The following MMP26 variants were observed in gnomAD, a reference collection of about 807,000 sequenced individuals.
The protein encoded by MMP26 is matrix metallopeptidase 26.
A neutral mutation model predicts 31.0 loss-of-function variants in MMP26; 33 were observed. The ratio of observed to expected loss-of-function variants is 1.06; its 90% CI spans 0.81 to 1.42. MMP26 has a LOEUF of 1.42. Ranked by LOEUF, MMP26 falls within the 40% of genes most tolerant of loss-of-function variation. The probability of loss-of-function intolerance (pLI) is 0.00; values close to 1 mark genes in which losing one functional copy is unlikely to be tolerated. For synonymous variants in MMP26, 122 were observed against 114.9 expected (o/e 1.06, Z -0.40); for missense variants, 347 against 316.1 (o/e 1.10, Z -0.74).
chr11:4,754,989 T>C (rs1848488757), intron 1 of MMP26, among the ~76,000 whole-genome samples: 1 of 152,038 alleles, frequency 6.6e-6, no homozygotes, highest in Non-Finnish European at 1.5e-5. Flanking sequence ...TATAGATCTA[T>C]AGATTTATAA....
chr11:4,885,558 G>A (rs1315483715), intron 2 of MMP26, among the ~76,000 whole-genome samples: 2 of 152,056 alleles, frequency 1.3e-5, no homozygotes, highest in African/African-American at 4.8e-5. Context: ...CTATATCATA[G>A]GTATGTAGTA....
intron 2 of MMP26, chr11:4,769,546 A>C: frequency 1.2e-6 from 2 of 1,613,596 alleles, no homozygotes; most frequent in Non-Finnish European, 1.7e-6. Flanking sequence ...TGGCCACATA[A>C]CGGTCAAAGG....
intron 2 of MMP26, among the ~76,000 whole-genome samples, chr11:4,864,353 T>C (rs1850206294): frequency 6.6e-6 from 1 of 152,182 alleles, no homozygotes; most frequent in Non-Finnish European, 1.5e-5. Context: ...TGGTCAGGCC[T>C]TAAACTGTTC....
intron 2 of MMP26, among the ~76,000 whole-genome samples, chr11:4,966,688 G>A (rs117123522): frequency 0.02 from 2,974 of 152,156 alleles, 44 homozygotes; most frequent in South Asian, 0.043. Context: ...TTTCTTAGTC[G>A]TCTTTTTTTC....
chr11:4,729,294 G>A (rs1848142175), intron 1 of MMP26, among the ~76,000 whole-genome samples: 1 of 152,198 alleles, frequency 6.6e-6, no homozygotes, highest in South Asian at 2.1e-4. Context: ...GGAGAATCCT[G>A]ACAGCCAAGC....
chr11:4,925,593 C>G (rs1045264817), intron 2 of MMP26, among the ~76,000 whole-genome samples: 11 of 151,812 alleles, frequency 7.2e-5, no homozygotes, highest in Admixed American at 2.6e-4. Context: ...GAGAAAGTCC[C>G]TAGGAGATGA....
At chr11:4,729,906 A>T (rs1052191353) in intron 1 of MMP26, among the ~76,000 whole-genome samples, 1 of 151,980 alleles carries the variant, frequency 6.6e-6, no homozygotes, top group Non-Finnish European at 1.5e-5. Context: ...GTTAAGTAAT[A>T]TCTGCACTCC....
chr11:4,900,188 T>C (rs1850779995), intron 2 of MMP26, among the ~76,000 whole-genome samples: 1 of 152,208 alleles, frequency 6.6e-6, no homozygotes, highest in African/African-American at 2.4e-5. Context: ...GCAAGTATTC[T>C]AAAATGTGTC....
chr11:4,849,252 A>G, intron 2 of MMP26: 1 of 1,552,072 alleles, frequency 6.4e-7, no homozygotes, highest in Non-Finnish European at 8.7e-7. Flanking sequence ...AAAAATGATT[A>G]GAAAGGTTTA....
intron 1 of MMP26, chr11:4,751,995 A>G (rs1848452368): frequency 1.3e-5 from 2 of 152,186 alleles, no homozygotes; most frequent in South Asian, 4.1e-4. Context: ...TAAATTTTCT[A>G]GACTTTGAAA....
chr11:4,724,113 A>T (rs1589883975), intron 1 of MMP26: 1 of 632,968 alleles, frequency 1.6e-6, no homozygotes, highest in African/African-American at 1.8e-5. Flanking sequence ...GCGGCTGCTG[A>T]AGTCCTGGGG....
intron 1 of MMP26, among the ~76,000 whole-genome samples, chr11:4,761,231 T>G (rs1234781355): frequency 6.6e-6 from 1 of 152,212 alleles, no homozygotes; most frequent in Non-Finnish European, 1.5e-5. Context: ...CTTCCTTGTG[T>G]TTATCTATGC....
intron 1 of MMP26, among the ~76,000 whole-genome samples, chr11:4,764,800 G>A (rs1848608471): frequency 6.6e-6 from 1 of 152,164 alleles, no homozygotes; most frequent in African/African-American, 2.4e-5. Context: ...GTGAACCCGG[G>A]AGGTGGAGCT....
chr11:4,770,882 G>C (rs1342767774), intron 2 of MMP26, among the ~76,000 whole-genome samples: 1 of 152,004 alleles, frequency 6.6e-6, no homozygotes, highest in Non-Finnish European at 1.5e-5. Flanking sequence ...AAGACCGGAT[G>C]TTACATGAGC....
intron 1 of MMP26, among the ~76,000 whole-genome samples, chr11:4,745,415 C>G (rs750499792): frequency 5.3e-5 from 8 of 152,130 alleles, no homozygotes; most frequent in Non-Finnish European, 1.2e-4. Context: ...TATTCAGATG[C>G]TAGGGCCCAG....
intron 1 of MMP26, among the ~76,000 whole-genome samples, chr11:4,743,513 T>A (rs938094615): frequency 2.0e-5 from 3 of 152,200 alleles, no homozygotes; most frequent in African/African-American, 4.8e-5. Flanking sequence ...GACATGTCCA[T>A]CTTTTCCTTA....
chr11:4,870,410 A>G (rs1217260174), intron 2 of MMP26, among the ~76,000 whole-genome samples: 1 of 152,172 alleles, frequency 6.6e-6, no homozygotes, highest in Non-Finnish European at 1.5e-5. Flanking sequence ...ATAAAGGATA[A>G]AAGAAAATGG....
chr11:4,891,843 T>C (rs771925865), intron 2 of MMP26, among the ~76,000 whole-genome samples: 4 of 152,122 alleles, frequency 2.6e-5, no homozygotes, highest in Admixed American at 6.6e-5. Context: ...ATTGGAGACA[T>C]AGTATGTCAC....
intron 1 of MMP26, among the ~76,000 whole-genome samples, chr11:4,746,691 G>A (rs11033684): frequency 0.12 from 18,851 of 151,990 alleles, 1,334 homozygotes; most frequent in Middle Eastern, 0.22. Context: ...AAAATTAGCC[G>A]GGTTTGGTGG....
Sources: allele counts gnomAD v4.1 joint callset (sites outside exome capture counted in the v4.1 genomes callset), GRCh38; gene constraint gnomAD v4.1.1; transcripts MANE v1.5; gene names NCBI Gene and HGNC (gene_info 2026-07-23, HGNC 2026-07-21).